Variants in NRXN1 observed in about 807,000 individuals in gnomAD.
NRXN1 encodes the protein neurexin 1.
In NRXN1, 39 loss-of-function variants were observed where a neutral mutation model predicts 150.9. The ratio of observed to expected loss-of-function variants is 0.26; its 90% CI spans 0.20 to 0.34. The LOEUF (loss-of-function observed/expected upper bound fraction) is 0.34. NRXN1 is among the 10% of genes least tolerant of loss of function. The pLI is 1.00. For missense variants in NRXN1, 1,815 were observed against 1,949.9 expected (o/e 0.93, Z 1.30); for synonymous variants, 924 against 757.0 (o/e 1.22, Z -3.62).
At chr2:50,426,013 C>T (rs1034745084) in intron 17 of NRXN1, among the ~76,000 whole-genome samples, 2 of 152,180 alleles carry the variant, frequency 1.3e-5, no homozygotes, top group African/African-American at 4.8e-5. Flanking sequence ...GTTACAGAGA[C>T]ATTTTAACAT....
chr2:50,960,248 T>C (rs1692936050), intron 2 of NRXN1, among the ~76,000 whole-genome samples: 1 of 151,964 alleles, frequency 6.6e-6, no homozygotes, highest in African/African-American at 2.4e-5. Flanking sequence ...CCATATCAGA[T>C]GGAGACAGAA....
At chr2:50,381,312 T>C (rs1018049843) in intron 17 of NRXN1, among the ~76,000 whole-genome samples, 2 of 152,068 alleles carry the variant, frequency 1.3e-5, no homozygotes, top group African/African-American at 4.8e-5. Flanking sequence ...GACAGTCTTC[T>C]GGGTGGTTTC....
intron 18 of NRXN1, among the ~76,000 whole-genome samples, chr2:50,140,492 C>T (rs1707112465): frequency 6.6e-6 from 1 of 152,076 alleles, no homozygotes; most frequent in Non-Finnish European, 1.5e-5. Flanking sequence ...GAACAACAAT[C>T]ACAAAGTCCA....
chr2:50,534,312 G>A (rs1395003702), intron 10 of NRXN1, among the ~76,000 whole-genome samples: 1 of 152,160 alleles, frequency 6.6e-6, no homozygotes, highest in Non-Finnish European at 1.5e-5. Context: ...GGCTAGGGAA[G>A]TGTCTATTTA....
At chr2:49,971,524 G>T (rs574953164) in intron 21 of NRXN1, among the ~76,000 whole-genome samples, 1 of 152,208 alleles carries the variant, frequency 6.6e-6, no homozygotes, top group South Asian at 2.1e-4. Context: ...GTGTCTCTTA[G>T]CCTACTGGGC....
chr2:51,007,014 T>C (rs1302731173), intron 2 of NRXN1, among the ~76,000 whole-genome samples: 2 of 151,936 alleles, frequency 1.3e-5, no homozygotes, highest in South Asian at 2.1e-4. Flanking sequence ...GCCTATCTGA[T>C]GACAAACATA....
intron 18 of NRXN1, 135 bp from the exon 19 acceptor site, chr2:50,091,629 T>A: frequency 1.2e-6 from 1 of 852,612 alleles, no homozygotes; most frequent in East Asian, 2.6e-5. Context: ...TCTGAAAAAC[T>A]ACATGTAGTA....
chr2:50,231,062 T>C (rs917752770), intron 18 of NRXN1, among the ~76,000 whole-genome samples: 2 of 151,890 alleles, frequency 1.3e-5, no homozygotes, highest in Admixed American at 6.6e-5. Context: ...ATAGAAAAAA[T>C]AAATAAATGA....
Position 50,794,529 on chromosome 2 carries a change from T to G in NRXN1, c.832+127340A>C, listed in dbSNP as rs113381136. Among the ~76,000 whole-genome samples the G allele has an allele frequency of 2.2e-3, 329 of 152,232 alleles. 5 individuals are homozygous for G. The highest frequency in any genetic ancestry group is 7.7e-3 in the African/African-American group (321 of 41,570). ...ACCATTATGTGTCGTGTGAACCAAC[T>G]GTAGGTAATGCACTATCTTCCTTTA... On this transcript the variant is annotated intron_variant, in intron 5 of 22. Transcript: ENST00000401669.
intron 18 of NRXN1, among the ~76,000 whole-genome samples, chr2:50,192,908 G>C (rs989267296): frequency 6.6e-6 from 1 of 152,122 alleles, no homozygotes. Context: ...TGAGCCACCC[G>C]CCCCACAGGA....
At chr2:50,978,210 C>T (rs933212290) in intron 2 of NRXN1, among the ~76,000 whole-genome samples, 5 of 142,700 alleles carry the variant, frequency 3.5e-5, no homozygotes, top group African/African-American at 1.3e-4. Flanking sequence ...AGGAAAATGC[C>T]ATTAAAACTT....
intron 5 of NRXN1, among the ~76,000 whole-genome samples, chr2:50,685,262 C>A (rs1007036421): frequency 6.6e-6 from 1 of 152,146 alleles, no homozygotes; most frequent in Non-Finnish European, 1.5e-5. Flanking sequence ...ATAGCAAGAT[C>A]TAGCCCTTAG....
intron 17 of NRXN1, among the ~76,000 whole-genome samples, chr2:50,353,867 G>C (rs1464542582): frequency 6.6e-6 from 1 of 152,094 alleles, no homozygotes; most frequent in Non-Finnish European, 1.5e-5. Flanking sequence ...CACTAGAGGG[G>C]CTAGAAGGGC....
chr2:50,561,069 AT>A (rs1248426575), intron 8 of NRXN1, among the ~76,000 whole-genome samples: 1 of 152,200 alleles, frequency 6.6e-6, no homozygotes, highest in Non-Finnish European at 1.5e-5. Flanking sequence ...ACAACCAAAT[AT>A]ATCCCATTAA....
At chr2:50,497,197 C>A in intron 14 of NRXN1, 136 bp downstream of exon 14, 1 of 524,210 alleles carries the variant, frequency 1.9e-6, no homozygotes, top group Non-Finnish European at 3.1e-6. Context: ...TAAACAAATG[C>A]CTTCTTATTT....
intron 5 of NRXN1, among the ~76,000 whole-genome samples, chr2:50,873,377 T>C (rs1049729968): frequency 5.3e-5 from 8 of 151,988 alleles, no homozygotes; most frequent in Admixed American, 5.2e-4. Context: ...GCTAATGCAC[T>C]GTATAGTTAC....
intron 2 of NRXN1, among the ~76,000 whole-genome samples, chr2:50,982,055 A>G (rs1696920730): frequency 6.6e-6 from 1 of 152,102 alleles, no homozygotes; most frequent in East Asian, 1.9e-4. Context: ...ATTCATCTTA[A>G]TAGTTTATAG....
intron 21 of NRXN1, among the ~76,000 whole-genome samples, chr2:49,997,642 C>T (rs992114541): frequency 6.6e-6 from 1 of 152,086 alleles, no homozygotes; most frequent in African/African-American, 2.4e-5. Flanking sequence ...CTTTGAGAAG[C>T]TTATTGTCTC....
intron 8 of NRXN1, among the ~76,000 whole-genome samples, chr2:50,598,998 C>T (rs1053443015): frequency 1.3e-5 from 2 of 151,994 alleles, no homozygotes; most frequent in African/African-American, 4.8e-5. Flanking sequence ...TCTCGAACTC[C>T]TGACCTAAAG....
Sources: allele counts gnomAD v4.1 joint callset (sites outside exome capture counted in the v4.1 genomes callset), GRCh38; gene constraint gnomAD v4.1.1; transcripts MANE v1.5; gene names NCBI Gene and HGNC (gene_info 2026-07-23, HGNC 2026-07-21).